PTPRD: variants seen among roughly 807,000 people sequenced by gnomAD.
PTPRD encodes protein tyrosine phosphatase receptor type D.
PTPRD carries 34 observed loss-of-function variants against 214.5 expected under a neutral mutation model. The observed-to-expected ratio is 0.16, with a 90% CI of 0.12 to 0.21. The LOEUF (loss-of-function observed/expected upper bound fraction) is 0.21, where lower values mean the gene tolerates loss of function less well. Among genes scored for constraint, PTPRD ranks in the 10% least tolerant of loss-of-function variants. The pLI, the probability that PTPRD is intolerant of heterozygous loss-of-function variation, is 1.00. For missense variants in PTPRD, 2,545 were observed against 2,398.7 expected, an observed-to-expected ratio of 1.06 and a Z score of -1.27; for synonymous variants, 1,128 against 845.7, an observed-to-expected ratio of 1.33 and a Z score of -5.79.
At chr9:9,465,264 G>C (rs997705117) in intron 8 of PTPRD, among the ~76,000 whole-genome samples, 1 of 152,028 alleles carries the variant, frequency 6.6e-6, no homozygotes, top group Non-Finnish European at 1.5e-5. Flanking sequence ...TAAAACAAAA[G>C]CCAAAGAAAA....
At chr9:8,326,286 A>G (rs946389094) in intron 44 of PTPRD, among the ~76,000 whole-genome samples, 8 of 151,620 alleles carry the variant, frequency 5.3e-5, no homozygotes, top group African/African-American at 1.2e-4. Context: ...TAAAGGGCTC[A>G]TGAATTTTGC....
chr9:9,033,633 C>T (rs547908650), intron 10 of PTPRD, among the ~76,000 whole-genome samples: 1 of 152,168 alleles, frequency 6.6e-6, no homozygotes, highest in East Asian at 1.9e-4. Flanking sequence ...GGCTGCAATT[C>T]TGAATGTGCC....
chr9:9,043,858 C>T (rs897139167), intron 10 of PTPRD, among the ~76,000 whole-genome samples: 1 of 150,688 alleles, frequency 6.6e-6, no homozygotes, highest in Non-Finnish European at 1.5e-5. Flanking sequence ...CAGCTGAGAT[C>T]GCACCACTGT....
At chr9:10,106,196 T>C (rs1476471076) in intron 3 of PTPRD, among the ~76,000 whole-genome samples, 2 of 151,752 alleles carry the variant, frequency 1.3e-5, no homozygotes, top group Non-Finnish European at 2.9e-5. Context: ...CTACCACTAC[T>C]CCATGCAGAA....
chr9:9,518,546 T>C (rs757679997), intron 8 of PTPRD, among the ~76,000 whole-genome samples: 5 of 152,082 alleles, frequency 3.3e-5, no homozygotes, highest in African/African-American at 4.8e-5. Context: ...ATTGATATTC[T>C]GGCAATGTAG....
intron 3 of PTPRD, among the ~76,000 whole-genome samples, chr9:10,102,719 T>C (rs1229510986): frequency 2.6e-5 from 4 of 151,616 alleles, no homozygotes; most frequent in Non-Finnish European, 4.4e-5. Context: ...CACTCTGATA[T>C]ATGTCTTCAG....
intron 2 of PTPRD, among the ~76,000 whole-genome samples, chr9:10,530,539 A>T (rs1433882110): frequency 6.6e-6 from 1 of 152,152 alleles, no homozygotes; most frequent in African/African-American, 2.4e-5. Context: ...AGTCAATAAA[A>T]GGTAGTAACT....
At chr9:10,046,042 G>T (rs1357630165) in intron 3 of PTPRD, among the ~76,000 whole-genome samples, 1 of 151,694 alleles carries the variant, frequency 6.6e-6, no homozygotes, top group Non-Finnish European at 1.5e-5. Flanking sequence ...TATGAGGCAT[G>T]ATAAGCTACA....
At chr9:8,780,264 G>A (rs938550182) in intron 11 of PTPRD, among the ~76,000 whole-genome samples, 2 of 152,082 alleles carry the variant, frequency 1.3e-5, no homozygotes, top group African/African-American at 4.8e-5. Flanking sequence ...TTATTCAAGA[G>A]GTTCTCATTT....
chr9:10,530,474 A>T (rs1566765425), intron 2 of PTPRD, among the ~76,000 whole-genome samples: 1 of 152,174 alleles, frequency 6.6e-6, no homozygotes, highest in Non-Finnish European at 1.5e-5. Context: ...GTTCCCTAAT[A>T]GCAATTAGCA....
chr9:8,650,523 G>A (rs962704585), intron 12 of PTPRD, among the ~76,000 whole-genome samples: 2 of 78,574 alleles, frequency 2.5e-5, no homozygotes, highest in African/African-American at 5.8e-5. Context: ...AAAAAACTCC[G>A]CCTCCAAAAA....
intron 30 of PTPRD, among the ~76,000 whole-genome samples, chr9:8,481,077 T>A (rs546365742): frequency 6.8e-6 from 1 of 146,578 alleles, no homozygotes; most frequent in South Asian, 2.1e-4. Context: ...AAGGCGGAGC[T>A]TGCAGTGAGC....
chr9:10,382,870 T>C (rs1421851167), intron 2 of PTPRD, among the ~76,000 whole-genome samples: 1 of 151,866 alleles, frequency 6.6e-6, no homozygotes, highest in South Asian at 2.1e-4. Flanking sequence ...TAAAAGCTTC[T>C]GATAGAATCT....
intron 2 of PTPRD, among the ~76,000 whole-genome samples, chr9:10,599,366 G>T (rs1287349841): frequency 6.6e-6 from 1 of 151,684 alleles, no homozygotes; most frequent in Non-Finnish European, 1.5e-5. Context: ...AAGTCTTATG[G>T]TTACAGTAGC....
intron 11 of PTPRD, among the ~76,000 whole-genome samples, chr9:8,961,815 G>A (rs887026284): frequency 1.3e-5 from 2 of 152,050 alleles, no homozygotes; most frequent in Non-Finnish European, 2.9e-5. Flanking sequence ...ATCCAGGACT[G>A]CAGTTTCCAT....
chr9:9,266,599 A>T (rs1007613949), intron 9 of PTPRD, among the ~76,000 whole-genome samples: 1 of 151,324 alleles, frequency 6.6e-6, no homozygotes, highest in Non-Finnish European at 1.5e-5. Flanking sequence ...GTGAATAAAT[A>T]AGTAGAATAA....
intron 28 of PTPRD, 122 bp downstream of exon 28, chr9:8,485,640 T>C: frequency 1.1e-6 from 1 of 902,368 alleles, no homozygotes; most frequent in Non-Finnish European, 1.6e-6. Context: ...ATACTTTACC[T>C]TTTTGTTTTT....
intron 4 of PTPRD, among the ~76,000 whole-genome samples, chr9:9,958,579 G>A (rs767721700): frequency 6.6e-6 from 1 of 151,968 alleles, no homozygotes. Context: ...AAAGACTTAT[G>A]CTGTGTAAAA....
chr9:9,244,025 T>A (rs1035351178), intron 9 of PTPRD, among the ~76,000 whole-genome samples: 5 of 152,114 alleles, frequency 3.3e-5, no homozygotes, highest in Admixed American at 2.6e-4. Context: ...ATGAGTGAAC[T>A]CCCATTCACA....
Sources: gnomAD v4.1 joint callset for allele counts (sites outside exome capture counted in the v4.1 genomes callset) on GRCh38, gnomAD v4.1.1 for gene constraint, MANE v1.5 for transcripts, NCBI Gene and HGNC (gene_info 2026-07-23, HGNC 2026-07-21) for gene names.